ADGRE2: variants seen among roughly 807,000 people sequenced by gnomAD.
The protein encoded by ADGRE2 is CD97 antigen.
In ADGRE2, 83 loss-of-function variants were observed where a neutral mutation model predicts 100.8. The observed-to-expected ratio is 0.82, with a 90% CI of 0.69 to 0.99. The LOEUF is 0.99. Among genes scored for constraint, ADGRE2 ranks in the 50% least tolerant of loss-of-function variants. The probability of loss-of-function intolerance (pLI) is 0.00; values close to 1 mark genes in which losing one functional copy is unlikely to be tolerated. For synonymous variants in ADGRE2, 355 were observed against 413.0 expected (o/e 0.86, Z 1.70); for missense variants, 814 against 1,035.7 (o/e 0.79, Z 2.94).
intron 11 of ADGRE2, among the ~76,000 whole-genome samples, chr19:14,760,941 G>A (rs927371188): frequency 6.6e-6 from 1 of 152,078 alleles, no homozygotes; most frequent in Non-Finnish European, 1.5e-5. Flanking sequence ...CTTTTCTATG[G>A]ATAATAACTC....
downstream of ADGRE2, among the ~76,000 whole-genome samples, chr19:14,730,469 ACTTTTTTCTTTT>A (rs1599767320): frequency 7.0e-6 from 1 of 143,202 alleles, no homozygotes; most frequent in Admixed American, 6.9e-5. Flanking sequence ...TCTTTCTTTC[ACTTTTTTCTTTT>A]TCTTTCTTTG....
chr19:14,760,786 A>C (rs2043689167), intron 11 of ADGRE2, among the ~76,000 whole-genome samples: 1 of 152,134 alleles, frequency 6.6e-6, no homozygotes, highest in Non-Finnish European at 1.5e-5. Context: ...AGTTGAGGAA[A>C]AGCTGACCAG....
chr19:14,760,860 C>G (rs770015663), intron 11 of ADGRE2, among the ~76,000 whole-genome samples: 2 of 152,188 alleles, frequency 1.3e-5, no homozygotes, highest in Non-Finnish European at 2.9e-5. Context: ...TCTCTGAAGC[C>G]TGATACCTGA....
chr19:14,765,191 A>G (rs1599860129), intron 10 of ADGRE2, 129 bp downstream of exon 10: 3 of 898,592 alleles, frequency 3.3e-6, no homozygotes, highest in African/African-American at 1.7e-5. Context: ...CAGCCCTGAA[A>G]GATGCTGGGA....
chr19:14,743,230 C>A (rs2042981974), intron 20 of ADGRE2, among the ~76,000 whole-genome samples, 190 bp downstream of exon 20: 1 of 151,978 alleles, frequency 6.6e-6, no homozygotes, highest in South Asian at 2.1e-4. Flanking sequence ...GCTGGGATGA[C>A]AGGCTATGAC....
At position 14,755,384 on chromosome 19, in the gene ADGRE2, C is replaced by T. The variant is rs140210798; in HGVS notation, c.1417-257G>A. Among the ~76,000 whole-genome samples, 831 of 152,076 alleles carry T rather than the reference C, an allele frequency of 5.5e-3. 2 individuals carry two copies. The highest frequency in any genetic ancestry group is 0.019 in the African/African-American group (785 of 41,506). Reference sequence around the variant, plus strand: ...AGGAGAATCGCTCGAACCTGGGAGGCGGAGACTGCAGTGAGCTGAGATCGT... The same window carrying T: ...AGGAGAATCGCTCGAACCTGGGAGGTGGAGACTGCAGTGAGCTGAGATCGT... On this transcript the variant is annotated intron_variant, in intron 13 of 20. Coordinates refer to ENST00000315576, the MANE Select transcript of ADGRE2 (RefSeq NM_013447.4).
At chr19:14,731,962 G>GCCCAAC (rs1200956046), downstream of ADGRE2, 1 of 152,106 alleles carries the variant, frequency 6.6e-6, no homozygotes, top group African/African-American at 2.4e-5. Flanking sequence ...TTTCACTTCT[G>GCCCAAC]CCATGTCCTT....
chr19:14,747,069 C>T, intron 16 of ADGRE2, 107 bp from the exon 17 acceptor site: 1 of 944,160 alleles, frequency 1.1e-6, no homozygotes, highest in Admixed American at 2.0e-5. Flanking sequence ...CTTCCTACGT[C>T]AACAATATTA....
intron 20 of ADGRE2, among the ~76,000 whole-genome samples, chr19:14,736,849 A>C (rs183122826): frequency 0.15 from 21,301 of 143,304 alleles, 1,724 homozygotes; most frequent in Middle Eastern, 0.2. Context: ...CTATATATTT[A>C]GAAATATATA....
chr19:14,756,442 A>G (rs915759618), intron 11 of ADGRE2, 97 bp from the exon 12 acceptor site: 4 of 767,322 alleles, frequency 5.2e-6, no homozygotes, highest in Non-Finnish European at 6.7e-6. Context: ...ATATACATAT[A>G]TAGTCTGAAG....
Position 14,751,439 on chromosome 19 carries a change from G to C in ADGRE2, c.2021C>G (p.Ser674Cys). Residue 674 changes from serine (S) to cysteine (C), a missense_variant, in exon 16 of 21, where the codon TCC becomes TGC. This residue lies in a region of ADGRE2 where 569 missense variants were observed against 692.7 expected (regional missense o/e 0.82). Transcript: ENST00000315576. ...GATTGTGAGAATTTGCACTAACCGG[G>C]AAGGTGTTCCATAAAGGTGAGGCCT... The part of the protein sequence containing the change: ...ASRPHLYGTP[S>C]RCWLQPEKGF... 6.2e-7 allele frequency: 1 copy of C among 1,612,256 alleles called. No individual in the cohort carries two copies. Among genetic ancestry groups the C allele is most frequent in the Non-Finnish European group, 8.5e-7 (1 of 1,178,264 alleles).
At chr19:14,743,222 T>C (rs2524379) in intron 20 of ADGRE2, among the ~76,000 whole-genome samples, 198 bp downstream of exon 20, 47,768 of 151,842 alleles carry the variant, frequency 0.31, 8,033 homozygotes, top group Middle Eastern at 0.39. Flanking sequence ...ACAGTGATGC[T>C]GGGATGACAG....
chr19:14,758,007 C>T (rs1199361612), intron 11 of ADGRE2, among the ~76,000 whole-genome samples: 1 of 152,164 alleles, frequency 6.6e-6, no homozygotes, highest in African/African-American at 2.4e-5. Flanking sequence ...GACAGGGTTT[C>T]GCCTTGTTGG....
Position 14,755,873 on chromosome 19 carries a change from A to C in ADGRE2, c.1197T>G (p.Pro399=), listed in dbSNP as rs140888899. 824 of 1,613,428 alleles carry C rather than the reference A, an allele frequency of 5.1e-4. 6 individuals are homozygous for C. The African/African-American group carries it at 9.7e-3, about 19-fold the overall frequency. The change falls in exon 13 of 21, where the codon CCT becomes CCG. Residue 399 remains proline, a synonymous_variant. Coordinates refer to ENST00000315576, the MANE Select transcript of ADGRE2 (RefSeq NM_013447.4). ...NQAQKSGDPG[P]SVVGLVSIPG... ...GAATGGAGACAAGGCCCACCACAGA[A>C]GGGCCTGCAGGGCGAGGCCAAGGTT...
intron 4 of ADGRE2, among the ~76,000 whole-genome samples, chr19:14,773,137 A>T (rs1273223233): frequency 6.6e-6 from 1 of 151,084 alleles, no homozygotes; most frequent in Admixed American, 6.6e-5. Flanking sequence ...GGGAGAAAAA[A>T]AAACCTATGG....
Position 14,773,901 on chromosome 19 carries a change from C to T in ADGRE2, c.199+37G>A, listed in dbSNP as rs201069113. 5,790 of 1,590,118 alleles carry T rather than the reference C, an allele frequency of 3.6e-3. 18 individuals carry two copies. The highest frequency in any genetic ancestry group is 4.5e-3 in the Non-Finnish European group (5,259 of 1,158,212). On this transcript the variant is annotated intron_variant, in intron 4 of 20. Transcript: ENST00000315576. ...CTGGCACTGGGCTATGCCTCATAAT[C>T]GCAGATGTCCCCTGCGCTGCCCTCA...
At chr19:14,775,401 T>G (rs2044398429) in intron 2 of ADGRE2, among the ~76,000 whole-genome samples, 1 of 152,138 alleles carries the variant, frequency 6.6e-6, no homozygotes, top group African/African-American at 2.4e-5. Context: ...GCGATCCTCC[T>G]GCCTCAGCCT....
At chr19:14,773,665 C>A (rs774788935) in intron 4 of ADGRE2, among the ~76,000 whole-genome samples, 21 of 151,982 alleles carry the variant, frequency 1.4e-4, no homozygotes, top group Non-Finnish European at 2.6e-4. Flanking sequence ...ATGTGTGCCA[C>A]CATGCGCGGC....
chr19:14,754,269 A>T (rs2043402882), intron 14 of ADGRE2, among the ~76,000 whole-genome samples: 2 of 109,324 alleles, frequency 1.8e-5, no homozygotes, highest in East Asian at 2.8e-4. Context: ...TACCTAATAA[A>T]CTCCCCTTTA....
Sources: allele counts gnomAD v4.1 joint callset (sites outside exome capture counted in the v4.1 genomes callset), GRCh38; gene constraint gnomAD v4.1.1; regional missense constraint gnomAD v4.1.1; transcripts MANE v1.5; gene names NCBI Gene and HGNC (gene_info 2026-07-23, HGNC 2026-07-21).